Variants in PDE11A observed in about 807,000 individuals in gnomAD.
PDE11A encodes dual 3',5'-cyclic-AMP and -GMP phosphodiesterase 11A.
Under a neutral mutation model 100.5 loss-of-function variants are expected in PDE11A, and 100 were observed. The observed-to-expected ratio is 1.00, with a 90% CI of 0.85 to 1.18. The LOEUF (loss-of-function observed/expected upper bound fraction) is 1.18. Ranked by LOEUF, PDE11A falls within the 50% of genes most tolerant of loss-of-function variation. The pLI is 0.00. For synonymous variants in PDE11A, 381 were observed against 420.8 expected (o/e 0.91, Z 1.16); for missense variants, 1,141 against 1,152.6 (o/e 0.99, Z 0.15).
At chr2:178,012,794 C>A (rs1235599375) in intron 2 of PDE11A, among the ~76,000 whole-genome samples, 1 of 152,158 alleles carries the variant, frequency 6.6e-6, no homozygotes, top group Non-Finnish European at 1.5e-5. Flanking sequence ...AAAGGCAGGA[C>A]TACCATCTGT....
At chr2:177,894,488 C>T (rs529307132) in intron 4 of PDE11A, among the ~76,000 whole-genome samples, 149 of 152,218 alleles carry the variant, frequency 9.8e-4, no homozygotes, top group African/African-American at 3.4e-3. Flanking sequence ...ACTGAACAGA[C>T]CCCCTCTTGG....
At chr2:177,788,129 T>G (rs2082568579) in intron 9 of PDE11A, among the ~76,000 whole-genome samples, 2 of 151,944 alleles carry the variant, frequency 1.3e-5, no homozygotes, top group East Asian at 3.9e-4. Context: ...ATTGACCACA[T>G]AGTTGGAAGT....
intron 1 of PDE11A, among the ~76,000 whole-genome samples, chr2:178,024,901 T>C (rs2086460199): frequency 6.6e-6 from 1 of 152,244 alleles, no homozygotes. Context: ...TTGATTAGTC[T>C]TTAATGACTT....
At chr2:177,708,446 C>T (rs1363865908) in intron 13 of PDE11A, among the ~76,000 whole-genome samples, 1 of 152,092 alleles carries the variant, frequency 6.6e-6, no homozygotes, top group Non-Finnish European at 1.5e-5. Context: ...AACTTATGAA[C>T]ACAAAGAAGA....
chr2:177,706,423 C>G (rs2105417367), intron 13 of PDE11A, among the ~76,000 whole-genome samples: 1 of 152,208 alleles, frequency 6.6e-6, no homozygotes, highest in South Asian at 2.1e-4. Flanking sequence ...AGCACAGCAT[C>G]TTGAATATAG....
chr2:178,093,653 G>A (rs972342935), intron 2 of PDE11A, among the ~76,000 whole-genome samples: 2 of 152,162 alleles, frequency 1.3e-5, no homozygotes, highest in African/African-American at 4.8e-5. Context: ...ACCTAGACCA[G>A]AGTGAAATGA....
intron 5 of PDE11A, among the ~76,000 whole-genome samples, chr2:177,856,126 T>G (rs1239529667): frequency 6.6e-6 from 1 of 152,072 alleles, no homozygotes; most frequent in East Asian, 1.9e-4. Context: ...TGGTTCAGGC[T>G]TTTAAGGAAA....
chr2:178,015,449 T>C (rs2086323059), intron 1 of PDE11A, among the ~76,000 whole-genome samples: 3 of 152,036 alleles, frequency 2.0e-5, no homozygotes, highest in Admixed American at 2.0e-4. Flanking sequence ...TTTAAATAAA[T>C]ATAAAGTTAA....
chr2:177,769,452 G>T (rs962926287), intron 9 of PDE11A, 79 bp from the exon 10 acceptor site: 69 of 845,614 alleles, frequency 8.2e-5, no homozygotes, highest in Admixed American at 3.8e-4. Flanking sequence ...TTAAAAATAA[G>T]CTTTGCTTAT....
intron 2 of PDE11A, among the ~76,000 whole-genome samples, chr2:178,081,889 A>G (rs2087289511): frequency 6.6e-6 from 1 of 152,242 alleles, no homozygotes; most frequent in Non-Finnish European, 1.5e-5. Flanking sequence ...CATTTCTGCA[A>G]TAGAACTCAT....
intron 6 of PDE11A, among the ~76,000 whole-genome samples, chr2:177,824,848 T>C (rs1451687067): frequency 1.3e-5 from 2 of 152,192 alleles, no homozygotes; most frequent in Admixed American, 6.6e-5. Context: ...GATAATAGTG[T>C]ACATGCCTAT....
At chr2:178,096,848 G>A (rs1311842293) in intron 2 of PDE11A, among the ~76,000 whole-genome samples, 2 of 151,738 alleles carry the variant, frequency 1.3e-5, no homozygotes, top group Non-Finnish European at 2.9e-5. Context: ...TCCAACATCT[G>A]CCCATTACCC....
intron 2 of PDE11A, among the ~76,000 whole-genome samples, chr2:178,081,555 C>A (rs576424020): frequency 6.6e-6 from 1 of 152,204 alleles, no homozygotes; most frequent in South Asian, 2.1e-4. Context: ...CTCAGCCTGG[C>A]TGCCTTTGCC....
intron 2 of PDE11A, among the ~76,000 whole-genome samples, chr2:177,926,039 T>G (rs1185224293): frequency 6.6e-6 from 1 of 151,914 alleles, no homozygotes; most frequent in Non-Finnish European, 1.5e-5. Flanking sequence ...AAAAATTCTC[T>G]CTAAATATAT....
chr2:177,675,733 C>G, intron 16 of PDE11A: 1 of 682,166 alleles, frequency 1.5e-6, no homozygotes. Flanking sequence ...CTCACACATC[C>G]TCTGGTGGCC....
intron 17 of PDE11A, among the ~76,000 whole-genome samples, chr2:177,670,578 G>A (rs1997206): frequency 0.81 from 123,503 of 152,114 alleles, 50,890 homozygotes; most frequent in East Asian, 0.98. Flanking sequence ...TGGTAAGAGG[G>A]CATGGATACC....
At chr2:178,011,242 G>T in intron 2 of PDE11A, among the ~76,000 whole-genome samples, 1 of 152,132 alleles carries the variant, frequency 6.6e-6, no homozygotes, top group East Asian at 1.9e-4. Flanking sequence ...GTATGCAGGG[G>T]TGGAGGGCAT....
At chr2:178,054,977 A>G (rs1308033829) in intron 1 of PDE11A, among the ~76,000 whole-genome samples, 1 of 152,202 alleles carries the variant, frequency 6.6e-6, no homozygotes, top group Non-Finnish European at 1.5e-5. Context: ...ATACCATTTG[A>G]CCCAACATCC....
chr2:177,994,898 A>G (rs1473932135), intron 2 of PDE11A, among the ~76,000 whole-genome samples: 1 of 149,042 alleles, frequency 6.7e-6, no homozygotes, highest in Non-Finnish European at 1.5e-5. Context: ...CTTGCAAAAG[A>G]AAAAAAAAAC....
Sources: allele counts gnomAD v4.1 joint callset (sites outside exome capture counted in the v4.1 genomes callset), GRCh38; gene constraint gnomAD v4.1.1; transcripts MANE v1.5; gene names NCBI Gene and HGNC (gene_info 2026-07-23, HGNC 2026-07-21).